The following FN3KRP variants were observed in gnomAD, a reference collection of about 807,000 sequenced individuals.
The protein encoded by FN3KRP is fructosamine 3 kinase related protein, also known as ketosamine-3-kinase.
In FN3KRP, 33 loss-of-function variants were observed where a neutral mutation model predicts 29.8. The ratio of observed to expected loss-of-function variants is 1.11; its 90% CI spans 0.84 to 1.48. The LOEUF (loss-of-function observed/expected upper bound fraction) is 1.48, where lower values mean the gene tolerates loss of function less well. Among genes scored for constraint, FN3KRP ranks in the 40% most tolerant of loss-of-function variants. The probability of loss-of-function intolerance (pLI) is 0.00; values close to 1 mark genes in which losing one functional copy is unlikely to be tolerated. For synonymous variants in FN3KRP, 157 were observed against 155.2 expected, an observed-to-expected ratio of 1.01 and a Z score of -0.09; for missense variants, 430 against 402.6, an observed-to-expected ratio of 1.07 and a Z score of -0.58.
intron 5 of FN3KRP, 33 bp from the exon 6 acceptor site, chr17:82,726,799 TC>T: frequency 6.6e-7 from 1 of 1,518,476 alleles, no homozygotes; most frequent in South Asian, 1.3e-5. Context: ...CACGCGTTGA[TC>T]AATTTGCTGA....
Position 82,719,047 on chromosome 17 carries a change from C to T in FN3KRP, c.283C>T (p.His95Tyr). The T allele has an allele frequency of 1.2e-6, 2 of 1,609,546 alleles. No individual in the cohort carries two copies. Among genetic ancestry groups the T allele is most frequent in the Non-Finnish European group, 8.5e-7 (1 of 1,178,908 alleles). ...VLVMEHMDMR[H>Y]LSSHAAKLGA... ...GGTGATGGAGCACATGGACATGAGGCATCTGAGCAGGTGCATCTTCACACC... is the reference window on the plus strand; with the variant it reads ...GGTGATGGAGCACATGGACATGAGGTATCTGAGCAGGTGCATCTTCACACC... The change falls in exon 2 of 6, where the codon CAT (histidine) becomes TAT (tyrosine). Residue 95 changes from histidine (H) to tyrosine (Y), a missense_variant. Physicochemically the swap from His to Tyr is moderately conservative, Grantham distance 83 (BLOSUM62 2). Coordinates refer to ENST00000269373, the MANE Select transcript of FN3KRP (RefSeq NM_024619.4).
At chr17:82,719,710 GC>G (rs1568059348) in intron 2 of FN3KRP, among the ~76,000 whole-genome samples, 1 of 151,846 alleles carries the variant, frequency 6.6e-6, no homozygotes, top group East Asian at 1.9e-4. Context: ...AGCTGAGATC[GC>G]ACCACTGCAC....
chr17:82,722,202 T>G (rs1188856980), intron 3 of FN3KRP, among the ~76,000 whole-genome samples: 1 of 151,992 alleles, frequency 6.6e-6, no homozygotes, highest in Non-Finnish European at 1.5e-5. Context: ...TGGAGCGATC[T>G]CGGCTCACTG....
rs7406861 is a variant in FN3KRP at position 82,725,301 on chromosome 17, T to A, written c.469-1179T>A. 1.3e-4 allele frequency among the ~76,000 whole-genome samples: 19 copies of A among 151,852 alleles called. No homozygotes were observed. The East Asian group carries it at 1.8e-3, about 14-fold the overall frequency. Reference sequence around the variant, plus strand: ...ACACCACCACACTTGGCTAATTTTTTAATTTTTTTTGTAGAGACAGGGGTC... The same window carrying A: ...ACACCACCACACTTGGCTAATTTTTAAATTTTTTTTGTAGAGACAGGGGTC... On this transcript the variant is annotated intron_variant, in intron 4 of 5. Coordinates refer to ENST00000269373, the MANE Select transcript of FN3KRP (RefSeq NM_024619.4).
At chr17:82,724,334 G>A (rs921658405) in intron 4 of FN3KRP, among the ~76,000 whole-genome samples, 2 of 151,930 alleles carry the variant, frequency 1.3e-5, no homozygotes, top group Non-Finnish European at 2.9e-5. Flanking sequence ...GACCGGGCAC[G>A]GTGGCTCACG....
At chr17:82,720,911 G>A (rs2046794068) in intron 3 of FN3KRP, 1 of 152,884 alleles carries the variant, frequency 6.5e-6, no homozygotes, top group African/African-American at 2.4e-5. Flanking sequence ...ACGGAGACAT[G>A]CTGTTAGTCT....
chr17:82,720,351 G>A lies in FN3KRP; in HGVS notation c.373G>A (p.Ala125Thr), dbSNP rs747651961. ...KKLGEMRLKE[A>T]GTVGRGGGQE... is the part of the protein sequence containing the mutation. Reference sequence around the variant, plus strand: ...GCTTGGAGAGATGCGCCTGAAGGAGGCGGGCACAGTGGGTATGGCACTGCG... The same window carrying A: ...GCTTGGAGAGATGCGCCTGAAGGAGACGGGCACAGTGGGTATGGCACTGCG... The change falls in exon 3 of 6, where the codon GCG (alanine) becomes ACG (threonine). Residue 125 changes from alanine (A) to threonine (T), a missense_variant. By Grantham distance (58) the Ala-to-Thr change is moderately conservative. Transcript: ENST00000269373. 1.5e-5 allele frequency: 25 copies of A among 1,613,418 alleles called. No homozygotes were observed. The highest frequency in any genetic ancestry group is 1.5e-5 in the Non-Finnish European group (18 of 1,179,944).
intron 1 of FN3KRP, 67 bp from the exon 2 acceptor site, chr17:82,718,839 C>A: frequency 6.4e-7 from 1 of 1,556,752 alleles, no homozygotes; most frequent in Non-Finnish European, 8.8e-7. Context: ...GAAAACATAT[C>A]TACAGAACCT....
At chr17:82,718,313 G>A (rs1568058704) in intron 1 of FN3KRP, 6 of 500,810 alleles carry the variant, frequency 1.2e-5, no homozygotes, top group Non-Finnish European at 1.3e-5. Flanking sequence ...GATCACTGCT[G>A]TGTGGTGAGC....
chr17:82,722,641 G>C (rs1056099869), intron 3 of FN3KRP, 163 bp from the exon 4 acceptor site: 6 of 608,034 alleles, frequency 9.9e-6, no homozygotes, highest in African/African-American at 5.6e-5. Flanking sequence ...GGCTCTGTTA[G>C]GGGTGTTGTG....
intron 1 of FN3KRP, among the ~76,000 whole-genome samples, chr17:82,718,245 C>T (rs2046773258): frequency 6.6e-6 from 1 of 151,858 alleles, no homozygotes; most frequent in Admixed American, 6.6e-5. Context: ...GCAGGCAGGG[C>T]AGTGGTGTGT....
chr17:82,720,248 A>C (rs776780095), intron 2 of FN3KRP, 24 bp from the exon 3 acceptor site: 21 of 1,595,282 alleles, frequency 1.3e-5, no homozygotes, highest in Non-Finnish European at 1.7e-5. Flanking sequence ...TCATCTGTTT[A>C]GTTGCTGTCG....
At position 82,716,837 on chromosome 17, in the gene FN3KRP, G is replaced by C. The variant is rs752571850; in HGVS notation, c.82G>C (p.Gly28Arg). 1 of 1,560,558 alleles carries C rather than the reference G, an allele frequency of 6.4e-7. No individual in the cohort carries two copies. Among genetic ancestry groups the C allele is most frequent in the Non-Finnish European group, 8.6e-7 (1 of 1,158,328 alleles). Residue 28 changes from glycine to arginine, a missense_variant, in exon 1 of 6, where the codon GGC becomes CGC. Coordinates refer to ENST00000269373, the MANE Select transcript of FN3KRP (RefSeq NM_024619.4). ...GHSGGGCISQ[G>R]RSYDTDQGRV... ...CTCGGGGGGCGGGTGCATCAGCCAGGGCCGGAGCTACGACACGGATCAAGG... is the reference window on the plus strand; with the variant it reads ...CTCGGGGGGCGGGTGCATCAGCCAGCGCCGGAGCTACGACACGGATCAAGG...
chr17:82,719,040 C>A lies in FN3KRP; in HGVS notation c.276C>A (p.Asp92Glu). Reference sequence around the variant, plus strand: ...GCGTGCTGGTGATGGAGCACATGGACATGAGGCATCTGAGCAGGTGCATCT... The same window carrying A: ...GCGTGCTGGTGATGGAGCACATGGAAATGAGGCATCTGAGCAGGTGCATCT... ...GGSVLVMEHM[D>E]MRHLSSHAAK... Residue 92 changes from aspartate to glutamate, a missense_variant, in exon 2 of 6, where the codon GAC becomes GAA. Asp to Glu is a conservative substitution (Grantham distance 45). Coordinates refer to ENST00000269373, the MANE Select transcript of FN3KRP (RefSeq NM_024619.4). 6.2e-7 allele frequency: 1 copy of A among 1,612,562 alleles called. No homozygotes were observed. Among genetic ancestry groups the A allele is most frequent in the Non-Finnish European group, 8.5e-7 (1 of 1,179,812 alleles).
At chr17:82,720,149 G>C in intron 2 of FN3KRP, 123 bp from the exon 3 acceptor site, 2 of 661,434 alleles carry the variant, frequency 3.0e-6, no homozygotes, top group South Asian at 3.7e-5. Context: ...CTGGGTGACA[G>C]AGCGAGACTC....
rs1245502427 is a variant in FN3KRP, at chr17:82,727,883, T to A, written c.*712T>A. ...GCTGAGTTGTCATTCCTTTGCAACA[T>A]TAAAATACATGCTGAACTCATATTT... On this transcript the variant is annotated 3_prime_UTR_variant, in exon 6 of 6. Transcript: ENST00000269373. 6.6e-6 allele frequency: 1 copy of A among 152,242 alleles called. No homozygotes were observed. Among genetic ancestry groups the A allele is most frequent in the Non-Finnish European group, 1.5e-5 (1 of 68,056 alleles). The allele number at this position is 152,242 out of a possible 1,614,324, so 9.4% of individuals were successfully genotyped here. A position where few individuals can be genotyped will look rare whatever the true frequency, so the allele number is the denominator to read the frequency against.
intron 1 of FN3KRP, chr17:82,718,501 A>T: frequency 1.0e-6 from 1 of 992,666 alleles, no homozygotes; most frequent in Non-Finnish European, 1.2e-6. Flanking sequence ...TGCACCTGAG[A>T]GGTCGGGTGA....
At chr17:82,720,133 T>TC (rs1792524545) in intron 2 of FN3KRP, 139 bp from the exon 3 acceptor site, 1 of 584,644 alleles carries the variant, frequency 1.7e-6, no homozygotes, top group Non-Finnish European at 3.0e-6. Context: ...GCCACTGCCC[T>TC]CCAGCCTGGG....
chr17:82,726,946 AGCTTCTTTCTACGGCCACTCG>A lies in FN3KRP; in HGVS notation c.707_727del (p.Ala236_Ser242del), dbSNP rs759678845. On this transcript the variant is annotated inframe_deletion, in exon 6 of 6. Transcript: ENST00000269373. ...CCTCTGGGCCGGTGATTTTTGACCC[AGCTTCTTTCTACGGCCACTCG>A]GAATATGAGCTGGCAATAGCTGGCA... 2 of 1,613,286 alleles carry A rather than the reference AGCTTCTTTCTACGGCCACTCG, an allele frequency of 1.2e-6. No homozygotes were observed. The highest frequency in any genetic ancestry group is 1.7e-4 in the Middle Eastern group (1 of 6,060).
Sources: allele counts gnomAD v4.1 joint callset (sites outside exome capture counted in the v4.1 genomes callset), GRCh38; gene constraint gnomAD v4.1.1; transcripts MANE v1.5; gene names NCBI Gene and HGNC (gene_info 2026-07-23, HGNC 2026-07-21).